Variants in ANO2 observed in about 807,000 individuals in gnomAD.
ANO2 encodes anoctamin 2.
A neutral mutation model predicts 124.2 loss-of-function variants in ANO2; 101 were observed. The observed-to-expected ratio is 0.81, with a 90% CI of 0.69 to 0.96. ANO2 has a LOEUF of 0.96. Among genes scored for constraint, ANO2 ranks in the 40% least tolerant of loss-of-function variants. ANO2 has a pLI of 0.00. For synonymous variants in ANO2, 486 were observed against 482.5 expected (o/e 1.01, Z -0.09); for missense variants, 1,293 against 1,274.5 (o/e 1.01, Z -0.22).
intron 3 of ANO2, among the ~76,000 whole-genome samples, chr12:5,891,927 T>A (rs1939438421): frequency 6.6e-6 from 1 of 152,142 alleles, no homozygotes; most frequent in Non-Finnish European, 1.5e-5. Context: ...AACAAGGAAA[T>A]CTTTTGTGAG....
At chr12:5,615,149 C>G (rs761400719) in intron 17 of ANO2, 37 bp downstream of exon 17, 13 of 1,563,686 alleles carry the variant, frequency 8.3e-6, no homozygotes, top group Non-Finnish European at 1.1e-5. Context: ...GTCTTAGTGG[C>G]AAATTGCCTT....
At chr12:5,717,021 C>G (rs1324467928) in intron 14 of ANO2, among the ~76,000 whole-genome samples, 3 of 152,228 alleles carry the variant, frequency 2.0e-5, no homozygotes, top group African/African-American at 7.2e-5. Context: ...TTAGGAAAAG[C>G]ACCAGCATCA....
At chr12:5,597,962 T>C (rs555587511) in intron 20 of ANO2, among the ~76,000 whole-genome samples, 9 of 152,354 alleles carry the variant, frequency 5.9e-5, no homozygotes, top group African/African-American at 1.9e-4. Flanking sequence ...GAAGCAGACT[T>C]AATGATTGTT....
intron 21 of ANO2, 30 bp downstream of exon 21, chr12:5,578,336 C>T (rs1328825995): frequency 5.0e-6 from 8 of 1,605,056 alleles, no homozygotes; most frequent in Non-Finnish European, 6.0e-6. Flanking sequence ...GAAGGATGGG[C>T]CTGGTGGGGC....
At chr12:5,766,829 G>A (rs1040863092) in intron 10 of ANO2, among the ~76,000 whole-genome samples, 2 of 152,282 alleles carry the variant, frequency 1.3e-5, no homozygotes, top group Non-Finnish European at 2.9e-5. Flanking sequence ...TGGCTCAGTC[G>A]GAGACTAAGC....
At chr12:5,641,148 C>T (rs1439630111) in intron 15 of ANO2, among the ~76,000 whole-genome samples, 2 of 151,188 alleles carry the variant, frequency 1.3e-5, no homozygotes, top group African/African-American at 2.4e-5. Flanking sequence ...ACCACATGTT[C>T]TCACTCATAG....
chr12:5,609,193 A>T (rs1472996762), intron 19 of ANO2: 2 of 152,198 alleles, frequency 1.3e-5, no homozygotes, highest in Non-Finnish European at 2.9e-5. Flanking sequence ...GCTTGACTTT[A>T]TCACTGAGTG....
intron 7 of ANO2, among the ~76,000 whole-genome samples, chr12:5,807,822 G>A (rs772034922): frequency 2.0e-5 from 3 of 152,222 alleles, no homozygotes; most frequent in Admixed American, 1.3e-4. Flanking sequence ...CTGCCGCCTG[G>A]ACCATAATAT....
At chr12:5,831,940 G>A (rs1359023445) in intron 5 of ANO2, among the ~76,000 whole-genome samples, 1 of 152,136 alleles carries the variant, frequency 6.6e-6, no homozygotes, top group Non-Finnish European at 1.5e-5. Context: ...CTATCTCTGT[G>A]AAGAGCTTTT....
intron 14 of ANO2, among the ~76,000 whole-genome samples, chr12:5,688,810 CTTTTTTT>C (rs36091783): frequency 8.4e-6 from 1 of 119,384 alleles, no homozygotes. Flanking sequence ...TGGGAGTATC[CTTTTTTT>C]TTTTTTTTTT....
At chr12:5,770,625 C>T (rs1227518060) in intron 10 of ANO2, among the ~76,000 whole-genome samples, 1 of 152,200 alleles carries the variant, frequency 6.6e-6, no homozygotes, top group East Asian at 1.9e-4. Context: ...AATACCCTGG[C>T]CAAACACGGT....
intron 14 of ANO2, among the ~76,000 whole-genome samples, chr12:5,722,409 A>C (rs1245402211): frequency 6.6e-6 from 1 of 152,196 alleles, no homozygotes; most frequent in African/African-American, 2.4e-5. Flanking sequence ...CAGGAGGCTG[A>C]GGCAGGAGAA....
At chr12:5,576,512 C>T (rs954027048) in intron 22 of ANO2, among the ~76,000 whole-genome samples, 2 of 152,198 alleles carry the variant, frequency 1.3e-5, no homozygotes, top group Non-Finnish European at 2.9e-5. Context: ...TATCTCTCAA[C>T]ACTTTTTAGC....
chr12:5,785,761 C>T (rs947516812), intron 10 of ANO2, among the ~76,000 whole-genome samples: 2 of 152,134 alleles, frequency 1.3e-5, no homozygotes, highest in Non-Finnish European at 2.9e-5. Flanking sequence ...AGCAGCAGTC[C>T]CCATGCTGGT....
intron 14 of ANO2, among the ~76,000 whole-genome samples, chr12:5,660,947 T>G (rs1326580340): frequency 6.6e-6 from 1 of 152,242 alleles, no homozygotes; most frequent in Non-Finnish European, 1.5e-5. Context: ...CTCATGGATC[T>G]GAGGAAAACC....
At chr12:5,882,434 GACTTT>G (rs1938567600) in intron 3 of ANO2, among the ~76,000 whole-genome samples, 5 of 152,198 alleles carry the variant, frequency 3.3e-5, no homozygotes, top group African/African-American at 1.2e-4. Context: ...GAGAGGCATG[GACTTT>G]AATGGTACCT....
chr12:5,854,225 G>A (rs2137255046), intron 3 of ANO2, 84 bp from the exon 4 acceptor site: 1 of 1,245,534 alleles, frequency 8.0e-7, no homozygotes, highest in Non-Finnish European at 1.1e-6. Flanking sequence ...TCCACACAAG[G>A]AGCCCAACCC....
intron 14 of ANO2, among the ~76,000 whole-genome samples, chr12:5,700,660 T>C (rs1022694291): frequency 3.3e-5 from 5 of 152,148 alleles, no homozygotes; most frequent in Non-Finnish European, 7.3e-5. Context: ...AGCTGGTTTT[T>C]GAAAAGATCA....
intron 15 of ANO2, among the ~76,000 whole-genome samples, chr12:5,637,644 G>A (rs4930773): frequency 6.6e-6 from 1 of 151,914 alleles, no homozygotes; most frequent in Non-Finnish European, 1.5e-5. Flanking sequence ...AACCTGCATT[G>A]TAACAGAATT....
Sources: gnomAD v4.1 joint callset for allele counts (sites outside exome capture counted in the v4.1 genomes callset) on GRCh38, gnomAD v4.1.1 for gene constraint, MANE v1.5 for transcripts, NCBI Gene and HGNC (gene_info 2026-07-23, HGNC 2026-07-21) for gene names.